CD2AP: variants seen among roughly 807,000 people sequenced by gnomAD.
The protein encoded by CD2AP is CD2 associated protein.
CD2AP carries 46 observed loss-of-function variants against 85.1 expected under a neutral mutation model. The ratio of observed to expected loss-of-function variants is 0.54; its 90% CI spans 0.43 to 0.69. The LOEUF is 0.69. Among genes scored for constraint, CD2AP ranks in the 30% least tolerant of loss-of-function variants. The pLI is 0.00. For missense variants in CD2AP, 769 were observed against 729.5 expected, an observed-to-expected ratio of 1.05 and a Z score of -0.62; for synonymous variants, 255 against 252.9, an observed-to-expected ratio of 1.01 and a Z score of -0.08.
chr6:47,574,165 G>C lies in CD2AP; in HGVS notation c.643G>C (p.Gly215Arg). The C allele has an allele frequency of 1.2e-6, 2 of 1,613,972 alleles. No individual in the cohort carries two copies. The highest frequency in any genetic ancestry group is 1.7e-6 in the Non-Finnish European group (2 of 1,179,906). ...ACAGCCAAAGAAAATTCGAGGAATTGGATTTGGAGACATTTTTAAAGAAGG... is the reference window on the plus strand; with the variant it reads ...ACAGCCAAAGAAAATTCGAGGAATTCGATTTGGAGACATTTTTAAAGAAGG... The part of the protein sequence containing the change: ...VTQPKKIRGI[G>R]FGDIFKEGSV... Residue 215 changes from glycine (G) to arginine (R), a missense_variant, in exon 6 of 18, where the codon GGA becomes CGA. Gly to Arg is a moderately radical substitution (Grantham distance 125). Coordinates refer to ENST00000359314, the MANE Select transcript of CD2AP (RefSeq NM_012120.3).
intron 2 of CD2AP, among the ~76,000 whole-genome samples, chr6:47,514,605 G>A (rs1383681700): frequency 6.6e-6 from 1 of 152,172 alleles, no homozygotes; most frequent in Non-Finnish European, 1.5e-5. Context: ...GGGGTGTGGT[G>A]AGAAGAATCT....
intron 2 of CD2AP, among the ~76,000 whole-genome samples, chr6:47,517,220 T>C (rs1766472391): frequency 6.6e-6 from 1 of 152,014 alleles, no homozygotes; most frequent in African/African-American, 2.4e-5. Context: ...CCTCAGGCCC[T>C]CACCAGGAAG....
rs1767318038 is a variant in CD2AP, at chr6:47,544,614, AAGCGTC to A, written c.331_336del (p.Arg111_Gln112del). The A allele has an allele frequency of 1.2e-6, 2 of 1,602,040 alleles. No individual in the cohort carries two copies. The highest frequency in any genetic ancestry group is 2.7e-5 in the African/African-American group (2 of 74,706). ...TATGTTACTTTCTTTAGAGACCAAG[AAGCGTC>A]AGTGTAAAGTTCTTTTTGAGTACAT... On this transcript the variant is annotated inframe_deletion, in exon 4 of 18. Coordinates refer to ENST00000359314, the MANE Select transcript of CD2AP (RefSeq NM_012120.3).
intron 5 of CD2AP, among the ~76,000 whole-genome samples, chr6:47,570,408 A>T (rs1288034373): frequency 6.6e-6 from 1 of 152,204 alleles, no homozygotes; most frequent in African/African-American, 2.4e-5. Flanking sequence ...AAGGACAATC[A>T]GATGGGTAAA....
At chr6:47,585,203 T>TC (rs58533533) in intron 11 of CD2AP, among the ~76,000 whole-genome samples, 33 of 71,996 alleles carry the variant, frequency 4.6e-4, no homozygotes, top group Non-Finnish European at 2.1e-4. Context: ...CTCAGGAGGC[T>TC]GAGGCAGGAG....
At chr6:47,497,468 A>C (rs1297098075) in intron 1 of CD2AP, among the ~76,000 whole-genome samples, 1 of 150,384 alleles carries the variant, frequency 6.6e-6, no homozygotes, top group African/African-American at 2.5e-5. Flanking sequence ...ATCTCTGCTC[A>C]TTGCAGCCTC....
intron 1 of CD2AP, among the ~76,000 whole-genome samples, chr6:47,497,061 C>A (rs1765873854): frequency 6.6e-6 from 1 of 151,954 alleles, no homozygotes. Context: ...GTTCTACAAC[C>A]ATAATTTAGT....
At chr6:47,489,322 C>T (rs2113965006) in intron 1 of CD2AP, among the ~76,000 whole-genome samples, 1 of 152,054 alleles carries the variant, frequency 6.6e-6, no homozygotes, top group East Asian at 1.9e-4. Context: ...CACCTGCTAC[C>T]ACGCCTGACT....
intron 14 of CD2AP, among the ~76,000 whole-genome samples, chr6:47,606,699 T>C (rs1226763894): frequency 4.6e-5 from 7 of 152,042 alleles, no homozygotes; most frequent in Admixed American, 1.3e-4. Flanking sequence ...AGGTACATAA[T>C]AGATTTGTAT....
chr6:47,536,081 C>A (rs1343135893), intron 3 of CD2AP, among the ~76,000 whole-genome samples: 1 of 152,086 alleles, frequency 6.6e-6, no homozygotes, highest in Non-Finnish European at 1.5e-5. Context: ...TCCTAAGGAT[C>A]TTCCATAACT....
In CD2AP at chr6:47,533,712, T is replaced by C. The variant is rs138428273; in HGVS notation, c.276T>C (p.Ala92=). The C allele has an allele frequency of 1.3e-4, 216 of 1,614,140 alleles. 1 individual carries two copies. The highest frequency in any genetic ancestry group is 1.7e-4 in the Non-Finnish European group (202 of 1,180,014). Residue 92 remains alanine, a synonymous_variant, in exon 3 of 18, where the codon GCT becomes GCC. Transcript: ENST00000359314. ...VQRISTYGLP[A]GGIQPHPQTK... ...GAATAAGCACCTATGGACTTCCAGC[T>C]GGAGGAATTCAGCCACATCCACAAA...
At chr6:47,562,733 C>A in intron 5 of CD2AP, 1 of 785,258 alleles carries the variant, frequency 1.3e-6, no homozygotes, top group Non-Finnish European at 2.2e-6. Flanking sequence ...ATTTGTGAAG[C>A]TGGCCAAGCC....
chr6:47,485,357 T>C (rs1765541969), intron 1 of CD2AP, among the ~76,000 whole-genome samples: 1 of 152,062 alleles, frequency 6.6e-6, no homozygotes, highest in Admixed American at 6.6e-5. Flanking sequence ...CCTAGGCTAA[T>C]GTGTGTTTGT....
chr6:47,540,174 C>CAAAAAAAA (rs373888400), intron 3 of CD2AP, among the ~76,000 whole-genome samples: 6 of 55,540 alleles, frequency 1.1e-4, no homozygotes, highest in South Asian at 5.9e-4. Context: ...GGCCCTGTCT[C>CAAAAAAAA]AAAAAAAAAA....
intron 2 of CD2AP, among the ~76,000 whole-genome samples, chr6:47,529,312 G>T (rs1766811256): frequency 6.6e-6 from 1 of 151,688 alleles, no homozygotes; most frequent in Non-Finnish European, 1.5e-5. Flanking sequence ...TTCCTAGCTG[G>T]GGCCACTGTC....
At chr6:47,515,376 A>C (rs1212771768) in intron 2 of CD2AP, among the ~76,000 whole-genome samples, 1 of 152,226 alleles carries the variant, frequency 6.6e-6, no homozygotes, top group Non-Finnish European at 1.5e-5. Context: ...TCAGAGTGCT[A>C]CATTGAGAGT....
chr6:47,518,936 G>T (rs866166109), intron 2 of CD2AP, among the ~76,000 whole-genome samples: 2 of 151,086 alleles, frequency 1.3e-5, no homozygotes, highest in South Asian at 4.2e-4. Context: ...TAGTACTGTG[G>T]CATATCCCTC....
intron 1 of CD2AP, among the ~76,000 whole-genome samples, chr6:47,493,991 G>A (rs1765794699): frequency 6.6e-6 from 1 of 151,630 alleles, no homozygotes; most frequent in Non-Finnish European, 1.5e-5. Flanking sequence ...ATCACCCTTA[G>A]CATATTAATC....
At chr6:47,619,742 A>AT (rs1395143272) in intron 17 of CD2AP, among the ~76,000 whole-genome samples, 4 of 151,856 alleles carry the variant, frequency 2.6e-5, no homozygotes, top group African/African-American at 9.7e-5. Context: ...CTGTTTTTTG[A>AT]TTTTTTGATT....
Sources: gnomAD v4.1 joint callset for allele counts (sites outside exome capture counted in the v4.1 genomes callset) on GRCh38, gnomAD v4.1.1 for gene constraint, MANE v1.5 for transcripts, NCBI Gene and HGNC (gene_info 2026-07-23, HGNC 2026-07-21) for gene names.